PPP1R12A: variants seen among roughly 807,000 people sequenced by gnomAD.
PPP1R12A encodes myosin binding subunit.
In PPP1R12A, 19 loss-of-function variants were observed where a neutral mutation model predicts 139.6. The observed-to-expected ratio is 0.14, with a 90% CI of 0.09 to 0.20. The LOEUF is 0.20. Among genes scored for constraint, PPP1R12A ranks in the 10% least tolerant of loss-of-function variants. The probability of loss-of-function intolerance (pLI) is 1.00; values close to 1 mark genes in which losing one functional copy is unlikely to be tolerated. For synonymous variants in PPP1R12A, 427 were observed against 420.6 expected (o/e 1.02, Z -0.19); for missense variants, 925 against 1,211.5 (o/e 0.76, Z 3.51).
intron 1 of PPP1R12A, among the ~76,000 whole-genome samples, chr12:79,924,170 G>C (rs1281619283): frequency 2.0e-5 from 3 of 152,028 alleles, no homozygotes; most frequent in Non-Finnish European, 4.4e-5. Flanking sequence ...ACACTGAGAA[G>C]ATCAACAATA....
At chr12:79,902,938 C>T (rs1184704797) in intron 1 of PPP1R12A, among the ~76,000 whole-genome samples, 1 of 151,926 alleles carries the variant, frequency 6.6e-6, no homozygotes, top group Non-Finnish European at 1.5e-5. Context: ...CGTGCATGCC[C>T]CAATTCCCCC....
At chr12:79,905,940 A>G (rs994259091) in intron 1 of PPP1R12A, among the ~76,000 whole-genome samples, 2 of 152,222 alleles carry the variant, frequency 1.3e-5, no homozygotes, top group African/African-American at 4.8e-5. Context: ...GAAACTTTGA[A>G]AACAATTTGG....
At chr12:79,883,927 A>G (rs1307537983) in intron 1 of PPP1R12A, among the ~76,000 whole-genome samples, 1 of 152,208 alleles carries the variant, frequency 6.6e-6, no homozygotes, top group Non-Finnish European at 1.5e-5. Flanking sequence ...ATATGGTAAG[A>G]CAATTTCAGA....
At chr12:79,865,810 A>C (rs1303533322) in intron 2 of PPP1R12A, among the ~76,000 whole-genome samples, 1 of 152,224 alleles carries the variant, frequency 6.6e-6, no homozygotes, top group African/African-American at 2.4e-5. Context: ...TGCTCAAGGA[A>C]ATAAGAGAGG....
chr12:79,871,320 A>G (rs1882544562), intron 2 of PPP1R12A, among the ~76,000 whole-genome samples: 1 of 152,224 alleles, frequency 6.6e-6, no homozygotes, highest in Admixed American at 6.5e-5. Context: ...ATGCAAAGAA[A>G]TTATTCAAGA....
Position 79,892,125 on chromosome 12 carries a change from A to G in PPP1R12A, c.238-19187T>C, listed in dbSNP as rs78529048. ...GTATTCATACCAGTCTTCACTGCTT[A>G]AGCTTATGTGTATCCAAACATTATG... On this transcript the variant is annotated intron_variant, in intron 1 of 24. Transcript: ENST00000450142. Among the ~76,000 whole-genome samples the G allele has an allele frequency of 5.2e-3, 788 of 152,278 alleles. 5 individuals are homozygous for G. The highest frequency in any genetic ancestry group is 0.018 in the African/African-American group (748 of 41,544).
At chr12:79,818,360 G>C (rs938013959) in intron 8 of PPP1R12A, among the ~76,000 whole-genome samples, 4 of 152,068 alleles carry the variant, frequency 2.6e-5, no homozygotes, top group South Asian at 2.1e-4. Context: ...TCCCACCTCA[G>C]CCTCTTGAGT....
chr12:79,804,508 A>G (rs1366068570), intron 14 of PPP1R12A, among the ~76,000 whole-genome samples: 1 of 152,128 alleles, frequency 6.6e-6, no homozygotes, highest in East Asian at 1.9e-4. Context: ...TACTTTTCAT[A>G]TATTCAAACA....
At chr12:79,922,893 G>T (rs1044477091) in intron 1 of PPP1R12A, among the ~76,000 whole-genome samples, 3 of 151,974 alleles carry the variant, frequency 2.0e-5, no homozygotes, top group Non-Finnish European at 4.4e-5. Flanking sequence ...CATTTAAATG[G>T]CATGTTATTT....
At chr12:79,874,511 CAG>C (rs759403926) in intron 1 of PPP1R12A, among the ~76,000 whole-genome samples, 39 of 151,854 alleles carry the variant, frequency 2.6e-4, no homozygotes, top group Admixed American at 3.9e-4. Context: ...CATTTGGTAA[CAG>C]GGGTAAATCA....
intron 1 of PPP1R12A, among the ~76,000 whole-genome samples, chr12:79,895,595 C>T (rs374999286): frequency 6.6e-6 from 1 of 152,116 alleles, no homozygotes; most frequent in Non-Finnish European, 1.5e-5. Flanking sequence ...TCTGATACAG[C>T]TATTTCATCT....
At chr12:79,919,651 A>T (rs184800361) in intron 1 of PPP1R12A, among the ~76,000 whole-genome samples, 21 of 152,198 alleles carry the variant, frequency 1.4e-4, no homozygotes, top group African/African-American at 5.1e-4. Context: ...CATTACACAT[A>T]ACTGATGTAA....
rs367935863 is a variant in PPP1R12A at position 79,797,413 on chromosome 12, T to C, written c.2092-18A>G. 11 of 1,556,940 alleles carry C rather than the reference T, an allele frequency of 7.1e-6. No homozygotes were observed. In the African/African-American group the frequency reaches 9.7e-5, roughly 14 times the overall value. The stretch of plus-strand genomic sequence containing the variant: ...GTCACTCCCTGCACACACAAAAAGA[T>C]CAATATAATTATGAGATGCATTAAA... On this transcript the variant is annotated intron_variant, in intron 15 of 24. Transcript: ENST00000450142.
intron 2 of PPP1R12A, among the ~76,000 whole-genome samples, chr12:79,850,898 T>G (rs1046282030): frequency 1.3e-5 from 2 of 152,184 alleles, no homozygotes; most frequent in African/African-American, 2.4e-5. Context: ...CTGCCATAAT[T>G]CTAAGTTTCC....
chr12:79,906,750 TCTC>T (rs1479646096), intron 1 of PPP1R12A, among the ~76,000 whole-genome samples: 4 of 152,094 alleles, frequency 2.6e-5, no homozygotes, highest in African/African-American at 9.7e-5. Context: ...TTCAGGCAAT[TCTC>T]CTGCTACAGC....
At chr12:79,826,712 T>A (rs1218324385) in intron 5 of PPP1R12A, among the ~76,000 whole-genome samples, 1 of 152,212 alleles carries the variant, frequency 6.6e-6, no homozygotes, top group African/African-American at 2.4e-5. Context: ...GTTGGCCAGA[T>A]GCCAATAAAA....
chr12:79,847,291 T>C (rs549741963), intron 2 of PPP1R12A, among the ~76,000 whole-genome samples: 46 of 152,316 alleles, frequency 3.0e-4, no homozygotes, highest in Admixed American at 7.8e-4. Flanking sequence ...AAATATTCCA[T>C]AGTATGTCTG....
rs200027074 is a variant in PPP1R12A, at chr12:79,843,611, A to AATATAGATATAGATATAG, written c.487+1673_487+1690dup. Among the ~76,000 whole-genome samples, 379 of 134,938 alleles carry AATATAGATATAGATATAG rather than the reference A, an allele frequency of 2.8e-3. 2 individuals are homozygous for AATATAGATATAGATATAG. The highest frequency in any genetic ancestry group is 0.011 in the Middle Eastern group (3 of 268). The allele number at this position is 134,938 out of a possible 152,430, so 88.5% of individuals were successfully genotyped here. On this transcript the variant is annotated intron_variant, in intron 3 of 24. Coordinates refer to ENST00000450142, the MANE Select transcript of PPP1R12A (RefSeq NM_002480.3). The stretch of plus-strand genomic sequence containing the variant: ...AGAGCAAGACTCTGTCTCAAAAAAA[A>AATATAGATATAGATATAG]ATATAGATATAGATATAGATATAGA...
chr12:79,788,198 G>A (rs1484369198), intron 21 of PPP1R12A: 1 of 152,960 alleles, frequency 6.5e-6, no homozygotes, highest in Non-Finnish European at 1.5e-5. Flanking sequence ...TTTACTATAA[G>A]CACAAAATAA....
Sources: gnomAD v4.1 joint callset for allele counts (sites outside exome capture counted in the v4.1 genomes callset) on GRCh38, gnomAD v4.1.1 for gene constraint, MANE v1.5 for transcripts, NCBI Gene and HGNC (gene_info 2026-07-23, HGNC 2026-07-21) for gene names.